Variants in PLEKHH2 observed in about 807,000 individuals in gnomAD.
PLEKHH2 encodes the protein pleckstrin homology domain-containing family H member 2.
A neutral mutation model predicts 187.9 loss-of-function variants in PLEKHH2; 129 were observed. The observed-to-expected ratio is 0.69, with a 90% CI of 0.59 to 0.79. The LOEUF is 0.79. Ranked by LOEUF, PLEKHH2 falls within the 30% of genes least tolerant of loss-of-function variation. PLEKHH2 has a pLI of 0.00. For missense variants in PLEKHH2, 2,076 were observed against 1,751.2 expected, an observed-to-expected ratio of 1.19 and a Z score of -3.31; for synonymous variants, 686 against 605.6, an observed-to-expected ratio of 1.13 and a Z score of -1.95.
At chr2:43,683,917 T>C (rs1668366782) in intron 3 of PLEKHH2, among the ~76,000 whole-genome samples, 1 of 152,204 alleles carries the variant, frequency 6.6e-6, no homozygotes, top group Non-Finnish European at 1.5e-5. Context: ...AAATTGATGG[T>C]GTATGAAGTA....
Position 43,699,685 on chromosome 2 carries a change from C to G in PLEKHH2, c.727C>G (p.Leu243Val), listed in dbSNP as rs1477126623. ...AGAAAAGTCTGTTGATAACCAAGTT[C>G]TAGAAAACAACAGAGGCCAGAGAAC... is the stretch of plus-strand genomic sequence containing the variant. Reference protein sequence around the residue: ...IPEKSVDNQVLENNRGQRTLH... With the variant: ...IPEKSVDNQVVENNRGQRTLH... Residue 243 changes from leucine to valine, a missense_variant, in exon 8 of 30, where the codon CTA (leucine) becomes GTA (valine). Coordinates refer to ENST00000282406, the MANE Select transcript of PLEKHH2 (RefSeq NM_172069.4). 1 of 1,613,666 alleles carries G rather than the reference C, an allele frequency of 6.2e-7. No individual in the cohort carries two copies. The highest frequency in any genetic ancestry group is 8.5e-7 in the Non-Finnish European group (1 of 1,179,780).
At chr2:43,701,264 A>G (rs115107576) in intron 8 of PLEKHH2, among the ~76,000 whole-genome samples, 140 of 152,306 alleles carry the variant, frequency 9.2e-4, no homozygotes, top group African/African-American at 3.1e-3. Flanking sequence ...AACAGAACAG[A>G]TGGTTGTTTC....
At chr2:43,656,491 G>A (rs1315791223) in intron 2 of PLEKHH2, among the ~76,000 whole-genome samples, 2 of 152,104 alleles carry the variant, frequency 1.3e-5, no homozygotes, top group East Asian at 3.9e-4. Flanking sequence ...ATGTCAAAAT[G>A]AGAGTGGCTT....
chr2:43,643,352 G>T (rs967883658), intron 1 of PLEKHH2, among the ~76,000 whole-genome samples: 1 of 152,026 alleles, frequency 6.6e-6, no homozygotes, highest in African/African-American at 2.4e-5. Context: ...GCTTTAAGAA[G>T]CTGGGGTGCA....
chr2:43,704,709 TTC>T (rs555172168), intron 9 of PLEKHH2, among the ~76,000 whole-genome samples: 4 of 150,856 alleles, frequency 2.7e-5, no homozygotes, highest in Admixed American at 2.6e-4. Context: ...AAATTTTATG[TTC>T]TGTGTTTTTT....
chr2:43,682,883 C>T (rs530525309), intron 3 of PLEKHH2, among the ~76,000 whole-genome samples: 3 of 152,086 alleles, frequency 2.0e-5, no homozygotes, highest in South Asian at 2.1e-4. Context: ...TATTTATCCA[C>T]GTTGTAGCAT....
intron 9 of PLEKHH2, among the ~76,000 whole-genome samples, chr2:43,704,983 T>A (rs1244800883): frequency 2.6e-5 from 4 of 152,138 alleles, no homozygotes; most frequent in African/African-American, 9.7e-5. Flanking sequence ...ATGGTAAAAA[T>A]ATAGGCTTCT....
intron 2 of PLEKHH2, among the ~76,000 whole-genome samples, chr2:43,660,195 G>A (rs1186550902): frequency 1.3e-5 from 2 of 152,114 alleles, no homozygotes; most frequent in African/African-American, 2.4e-5. Flanking sequence ...GTTCACCAGT[G>A]TTGTCTGTAT....
intron 19 of PLEKHH2, among the ~76,000 whole-genome samples, chr2:43,733,286 C>T (rs553565415): frequency 6.6e-6 from 1 of 150,604 alleles, no homozygotes; most frequent in African/African-American, 2.4e-5. Flanking sequence ...TCACTTGAAC[C>T]TAGGAAATGG....
chr2:43,681,348 C>T, intron 3 of PLEKHH2: 1 of 1,219,150 alleles, frequency 8.2e-7, no homozygotes, highest in Non-Finnish European at 1.2e-6. Context: ...TTGGGGTCAC[C>T]TGTCATCAGA....
intron 1 of PLEKHH2, among the ~76,000 whole-genome samples, chr2:43,637,638 C>G (rs971282631): frequency 6.6e-6 from 1 of 152,094 alleles, no homozygotes. Context: ...GGCGGTCCCT[C>G]GCGCCCGTGG....
At position 43,704,048 on chromosome 2, in the gene PLEKHH2, T is replaced by A; in HGVS notation, c.1718T>A (p.Val573Asp). ...RMSEAFNMES[V>D]NKNSAATLSY... ...TCTGAGGCCTTCAATATGGAGAGTG[T>A]TAATAAAAGTAAGTGCTTTTTCATG... is the stretch of plus-strand genomic sequence containing the variant. The change falls in exon 9 of 30, where the codon GTT becomes GAT. Residue 573 changes from valine (V) to aspartate (D), a missense_variant. Physicochemically the swap from Val to Asp is radical, Grantham distance 152. Transcript: ENST00000282406. 6.3e-7 allele frequency: 1 copy of A among 1,596,806 alleles called. No homozygotes were observed. The highest frequency in any genetic ancestry group is 8.6e-7 in the Non-Finnish European group (1 of 1,166,184).
chr2:43,667,553 T>C (rs1052638264), intron 2 of PLEKHH2, among the ~76,000 whole-genome samples: 4 of 152,190 alleles, frequency 2.6e-5, no homozygotes, highest in Admixed American at 2.6e-4. Context: ...AACTAACTGA[T>C]GAATGGATAA....
intron 26 of PLEKHH2, among the ~76,000 whole-genome samples, chr2:43,757,683 G>T (rs1188497640): frequency 3.3e-5 from 5 of 152,014 alleles, no homozygotes; most frequent in African/African-American, 1.2e-4. Flanking sequence ...CTCCCAAAGT[G>T]CTGGGATTAG....
chr2:43,694,341 T>C, intron 4 of PLEKHH2, 90 bp from the exon 5 acceptor site: 1 of 1,373,026 alleles, frequency 7.3e-7, no homozygotes, highest in Non-Finnish European at 9.7e-7. Context: ...AATCAAGTTT[T>C]AAGTGGATAT....
Position 43,724,629 on chromosome 2 carries a change from C to G in PLEKHH2, c.2542-1643C>G, listed in dbSNP as rs538554198. On this transcript the variant is annotated intron_variant, in intron 16 of 29. Transcript: ENST00000282406. ...TTGTTTTGTGATATATAACAAAGAGCCTTGGAATGCTCCTCCTTTACTGGC... is the reference window on the plus strand; with the variant it reads ...TTGTTTTGTGATATATAACAAAGAGGCTTGGAATGCTCCTCCTTTACTGGC... Among the ~76,000 whole-genome samples, 114 of 152,172 alleles carry G rather than the reference C, an allele frequency of 7.5e-4. 1 individual carries two copies. The highest frequency in any genetic ancestry group is 2.6e-3 in the African/African-American group (108 of 41,524).
chr2:43,742,770 G>T lies in PLEKHH2; in HGVS notation c.3251G>T (p.Cys1084Phe). Residue 1084 changes from cysteine (C) to phenylalanine (F), a missense_variant, in exon 22 of 30, where the codon TGC becomes TTC. By Grantham distance (205) the Cys-to-Phe change is radical (BLOSUM62 -2). Coordinates refer to ENST00000282406, the MANE Select transcript of PLEKHH2 (RefSeq NM_172069.4). ...RTEFGKYAIY[C>F]QRCVERTQQN... Reference sequence around the variant, plus strand: ...GAATTTGGAAAATATGCCATTTACTGCCAGCGTTGTGTAGAAAGAACGCAA... The same window carrying T: ...GAATTTGGAAAATATGCCATTTACTTCCAGCGTTGTGTAGAAAGAACGCAA... 1.3e-6 allele frequency: 2 copies of T among 1,590,316 alleles called. No individual in the cohort carries two copies. Among genetic ancestry groups the T allele is most frequent in the Non-Finnish European group, 1.7e-6 (2 of 1,171,538 alleles).
intron 3 of PLEKHH2, among the ~76,000 whole-genome samples, chr2:43,691,231 A>T (rs75688504): frequency 0.012 from 1,840 of 152,292 alleles, 33 homozygotes; most frequent in African/African-American, 0.042. Flanking sequence ...ACGGACACTC[A>T]AAGAATGAGC....
At chr2:43,758,441 CG>C (rs1443218643) in intron 26 of PLEKHH2, among the ~76,000 whole-genome samples, 2 of 152,016 alleles carry the variant, frequency 1.3e-5, no homozygotes, top group African/African-American at 4.8e-5. Flanking sequence ...TTAGTAGAGA[CG>C]GGGTTTCACC....
Sources: allele counts gnomAD v4.1 joint callset (sites outside exome capture counted in the v4.1 genomes callset), GRCh38; gene constraint gnomAD v4.1.1; transcripts MANE v1.5; gene names NCBI Gene and HGNC (gene_info 2026-07-23, HGNC 2026-07-21).